Variants in SPAG16 observed in about 807,000 individuals in gnomAD.
SPAG16 encodes sperm-associated antigen 16 protein.
Under a neutral mutation model 80.4 loss-of-function variants are expected in SPAG16, and 86 were observed. The ratio of observed to expected loss-of-function variants is 1.07; its 90% confidence interval spans 0.90 to 1.28. The LOEUF (loss-of-function observed/expected upper bound fraction) is 1.28. SPAG16 is among the 50% of genes most tolerant of loss of function. The pLI is 0.00. For missense variants in SPAG16, 870 were observed against 765.3 expected (o/e 1.14, Z -1.61); for synonymous variants, 294 against 265.9 (o/e 1.11, Z -1.03).
chr2:213,839,707 T>C lies in SPAG16; in HGVS notation c.1071-22778T>C, dbSNP rs139185496. 2.7e-3 allele frequency among the ~76,000 whole-genome samples: 413 copies of C among 152,326 alleles called. 2 individuals carry two copies. Among genetic ancestry groups the C allele is most frequent in the African/African-American group, 9.4e-3 (391 of 41,570 alleles). On this transcript the variant is annotated intron_variant, in intron 10 of 15. Coordinates refer to ENST00000331683, the MANE Select transcript of SPAG16 (RefSeq NM_024532.5). ...ACATTATTGTTGTACAGCAGTAAAGTTGACATGTACAGTATGCAGCATGCA... is the reference window on the plus strand; with the variant it reads ...ACATTATTGTTGTACAGCAGTAAAGCTGACATGTACAGTATGCAGCATGCA...
At chr2:213,949,379 A>G (rs1287917662) in intron 12 of SPAG16, among the ~76,000 whole-genome samples, 1 of 151,898 alleles carries the variant, frequency 6.6e-6, no homozygotes, top group Admixed American at 6.6e-5. Context: ...ATTGTTGGCC[A>G]GATGGTCTTG....
At chr2:213,840,307 T>G (rs1271444721) in intron 10 of SPAG16, among the ~76,000 whole-genome samples, 1 of 152,188 alleles carries the variant, frequency 6.6e-6, no homozygotes, top group African/African-American at 2.4e-5. Context: ...GAAGACATTA[T>G]ACTGTTCAGT....
intron 11 of SPAG16, among the ~76,000 whole-genome samples, chr2:213,898,508 T>C (rs952314346): frequency 6.6e-6 from 1 of 152,164 alleles, no homozygotes; most frequent in African/African-American, 2.4e-5. Flanking sequence ...GAGAATCTGC[T>C]GGGGTCATGA....
chr2:213,446,304 C>G (rs1264719304), intron 9 of SPAG16, among the ~76,000 whole-genome samples: 1 of 152,078 alleles, frequency 6.6e-6, no homozygotes, highest in Non-Finnish European at 1.5e-5. Flanking sequence ...GGAAGCTCAT[C>G]AAGATAAAGA....
At chr2:214,124,483 A>G (rs2054376255) in intron 14 of SPAG16, among the ~76,000 whole-genome samples, 1 of 151,892 alleles carries the variant, frequency 6.6e-6, no homozygotes, top group African/African-American at 2.4e-5. Context: ...AACTACATGT[A>G]TGATAAACAG....
At chr2:214,034,415 G>A (rs1344432064) in intron 13 of SPAG16, among the ~76,000 whole-genome samples, 3 of 152,198 alleles carry the variant, frequency 2.0e-5, no homozygotes, top group Non-Finnish European at 4.4e-5. Context: ...TTGCCAGCTG[G>A]AAACCTCCAT....
In SPAG16 at chr2:213,845,476, G is replaced by T. The variant is rs1245504993; in HGVS notation, c.1071-17009G>T. On this transcript the variant is annotated intron_variant, in intron 10 of 15. Transcript: ENST00000331683. ...CTCCCAAAGTGCTGGGATTACAGGT[G>T]TGAGCCACTGCAAGCGGCCCTTGTT... Among the ~76,000 whole-genome samples, 114 of 152,102 alleles carry T rather than the reference G, an allele frequency of 7.5e-4. 4 individuals carry two copies. The highest frequency in any genetic ancestry group is 7.5e-3 in the Admixed American group (114 of 15,260).
chr2:214,165,922 G>A (rs926356001), intron 15 of SPAG16, among the ~76,000 whole-genome samples: 8 of 152,076 alleles, frequency 5.3e-5, no homozygotes, highest in African/African-American at 1.9e-4. Context: ...AATAAAGAGG[G>A]CATTGTTCAT....
At chr2:214,222,750 ACTG>A (rs2058610655) in intron 15 of SPAG16, among the ~76,000 whole-genome samples, 1 of 152,156 alleles carries the variant, frequency 6.6e-6, no homozygotes, top group Non-Finnish European at 1.5e-5. Flanking sequence ...CCACCTGAGG[ACTG>A]TCTATCCATG....
At chr2:213,675,309 T>C (rs990784149) in intron 10 of SPAG16, among the ~76,000 whole-genome samples, 9 of 152,136 alleles carry the variant, frequency 5.9e-5, no homozygotes, top group East Asian at 3.9e-4. Context: ...GAGTAGGTTG[T>C]GAAAATTTTC....
At chr2:213,926,990 T>C (rs981807289) in intron 11 of SPAG16, among the ~76,000 whole-genome samples, 1 of 152,198 alleles carries the variant, frequency 6.6e-6, no homozygotes, top group Admixed American at 6.5e-5. Context: ...CAGAAATTAA[T>C]TTCTCACACT....
At chr2:213,483,556 C>A (rs1310477389) in intron 9 of SPAG16, among the ~76,000 whole-genome samples, 1 of 152,130 alleles carries the variant, frequency 6.6e-6, no homozygotes, top group Admixed American at 6.6e-5. Context: ...CAAACTTAAG[C>A]AAGCCTCAGA....
chr2:213,320,711 G>C (rs1251304679), intron 5 of SPAG16, among the ~76,000 whole-genome samples: 1 of 151,778 alleles, frequency 6.6e-6, no homozygotes, highest in Admixed American at 6.6e-5. Flanking sequence ...ATCATCTCTA[G>C]TTTCATCTAT....
At chr2:214,311,263 G>C (rs6718751) in intron 15 of SPAG16, among the ~76,000 whole-genome samples, 1 of 152,222 alleles carries the variant, frequency 6.6e-6, no homozygotes, top group South Asian at 2.1e-4. Context: ...CAGCTCCCCA[G>C]GGACCTGATG....
chr2:213,371,214 C>G (rs1212193496), intron 8 of SPAG16, among the ~76,000 whole-genome samples: 1 of 151,874 alleles, frequency 6.6e-6, no homozygotes, highest in African/African-American at 2.4e-5. Flanking sequence ...CAAGACCATC[C>G]TGGCCAACAT....
chr2:213,778,869 A>G (rs966460033), intron 10 of SPAG16, among the ~76,000 whole-genome samples: 6 of 152,178 alleles, frequency 3.9e-5, no homozygotes, highest in Admixed American at 3.9e-4. Flanking sequence ...GATTCTCAGC[A>G]AGCCTTCTTT....
intron 12 of SPAG16, among the ~76,000 whole-genome samples, chr2:213,985,804 A>C (rs1168710915): frequency 6.6e-6 from 1 of 152,078 alleles, no homozygotes; most frequent in African/African-American, 2.4e-5. Flanking sequence ...AAAGACAGAC[A>C]AGGAAATAGC....
intron 9 of SPAG16, among the ~76,000 whole-genome samples, chr2:213,402,583 C>T (rs1423477937): frequency 2.0e-5 from 3 of 151,008 alleles, no homozygotes; most frequent in African/African-American, 7.3e-5. Context: ...CCCCTCCCCA[C>T]ACCCCACAAC....
intron 15 of SPAG16, among the ~76,000 whole-genome samples, chr2:214,156,089 A>G (rs1576369945): frequency 6.6e-6 from 1 of 152,316 alleles, no homozygotes; most frequent in Admixed American, 6.5e-5. Flanking sequence ...AATGACACTT[A>G]GTGATAGTTG....
Sources: allele counts gnomAD v4.1 joint callset (sites outside exome capture counted in the v4.1 genomes callset), GRCh38; gene constraint gnomAD v4.1.1; transcripts MANE v1.5; gene names NCBI Gene and HGNC (gene_info 2026-07-23, HGNC 2026-07-21).